MZT2B: variants seen among roughly 807,000 people sequenced by gnomAD.
The protein encoded by MZT2B is mitotic-spindle organizing protein 2B.
MZT2B carries 11 observed loss-of-function variants against 12.1 expected under a neutral mutation model. The observed-to-expected ratio is 0.91, with a 90% CI of 0.57 to 1.50. The LOEUF (loss-of-function observed/expected upper bound fraction) is 1.50, where lower values mean the gene tolerates loss of function less well. Among genes scored for constraint, MZT2B ranks in the 40% most tolerant of loss-of-function variants. The pLI is 0.00. For synonymous variants in MZT2B, 85 were observed against 109.5 expected, an observed-to-expected ratio of 0.78 and a Z score of 1.40; for missense variants, 209 against 227.7, an observed-to-expected ratio of 0.92 and a Z score of 0.53.
chr2:130,191,729 A>G (rs558924528), downstream of MZT2B: 170 of 1,531,742 alleles, frequency 1.1e-4, 1 homozygote, highest in South Asian at 1.8e-3. Context: ...GCTAAGCTGC[A>G]TGACACTCAG....
downstream of MZT2B, among the ~76,000 whole-genome samples, chr2:130,194,809 C>G: frequency 6.6e-6 from 1 of 152,182 alleles, no homozygotes; most frequent in South Asian, 2.1e-4. Flanking sequence ...TCTCAAGTAG[C>G]TGGCAGTACA....
chr2:130,182,563 G>A, intron 1 of MZT2B, 64 bp from the exon 2 acceptor site: 1 of 1,568,178 alleles, frequency 6.4e-7, no homozygotes, highest in Non-Finnish European at 8.6e-7. Context: ...TCCTTGTCGG[G>A]TCTTCAGGGA....
downstream of MZT2B, among the ~76,000 whole-genome samples, chr2:130,194,720 C>T (rs890226092): frequency 2.6e-5 from 4 of 152,146 alleles, no homozygotes; most frequent in African/African-American, 9.7e-5. Flanking sequence ...CTCTGTTGCC[C>T]AGGTTAGAGT....
intron 2 of MZT2B, among the ~76,000 whole-genome samples, chr2:130,189,468 G>C (rs962232510): frequency 1.3e-5 from 2 of 152,146 alleles, no homozygotes; most frequent in Non-Finnish European, 2.9e-5. Context: ...GGAAACACTG[G>C]GGGGATGAAA....
upstream of MZT2B, chr2:130,181,863 T>TGCC: frequency 1.5e-5 from 21 of 1,438,342 alleles, no homozygotes; most frequent in Non-Finnish European, 1.8e-5. Context: ...GCCCCCCCCT[T>TGCC]CCCCCCGCCC....
chr2:130,185,837 GA>G (rs1217169002), intron 2 of MZT2B, among the ~76,000 whole-genome samples: 1 of 152,136 alleles, frequency 6.6e-6, no homozygotes, highest in African/African-American at 2.4e-5. Context: ...GGAGTGCTGG[GA>G]CCCTCAGGGT....
chr2:130,182,422 C>G lies in MZT2B; in HGVS notation c.140C>G (p.Ala47Gly). Residue 47 changes from alanine to glycine, a missense_variant, in exon 1 of 3, where the codon GCG (alanine) becomes GGG (glycine). Physicochemically the swap from Ala to Gly is moderately conservative, Grantham distance 60. Coordinates refer to ENST00000281871, the MANE Select transcript of MZT2B (RefSeq NM_025029.5). Reference protein sequence around the residue: ...EMELYELAQAAGGAIDPDVFK... With the variant: ...EMELYELAQAGGGAIDPDVFK... ...GAGCTGTACGAGCTGGCGCAGGCGG[C>G]GGGCGGCGCTATCGACCCCGACGTG... The G allele has an allele frequency of 6.4e-7, 1 of 1,563,088 alleles. No individual in the cohort carries two copies. Among genetic ancestry groups the G allele is most frequent in the Non-Finnish European group, 8.6e-7 (1 of 1,156,962 alleles).
downstream of MZT2B, chr2:130,191,646 C>A (rs115270667): frequency 9.3e-7 from 1 of 1,080,058 alleles, no homozygotes; most frequent in Non-Finnish European, 1.3e-6. Context: ...CCCAACCCCA[C>A]GCCAGCAGGG....
downstream of MZT2B, among the ~76,000 whole-genome samples, chr2:130,193,466 G>A (rs532866830): frequency 6.2e-4 from 94 of 151,062 alleles, no homozygotes; most frequent in Middle Eastern, 3.5e-3. Flanking sequence ...AAAATTAGCC[G>A]GGCATGGTGG....
chr2:130,194,072 G>A (rs1190941670), downstream of MZT2B: 1 of 1,614,216 alleles, frequency 6.2e-7, no homozygotes, highest in Non-Finnish European at 8.5e-7. Context: ...CACGAGGTTG[G>A]TCTGGAATTC....
At chr2:130,190,408 A>G (rs1314761385) in intron 2 of MZT2B, 61 bp from the exon 3 acceptor site, 1 of 1,593,590 alleles carries the variant, frequency 6.3e-7, no homozygotes, top group African/African-American at 1.3e-5. Flanking sequence ...CCACGAGTAC[A>G]GCAGGTGCTG....
downstream of MZT2B, chr2:130,191,833 A>T: frequency 6.3e-7 from 1 of 1,596,400 alleles, no homozygotes; most frequent in Non-Finnish European, 8.5e-7. Context: ...CCCTCCCCTC[A>T]GTATGCTTCG....
the MZT2B span, among the ~76,000 whole-genome samples, chr2:130,200,918 A>AGT: frequency 0.021 from 3,200 of 152,244 alleles, 30 homozygotes; most frequent in African/African-American, 0.065. Flanking sequence ...AGATCATCTT[A>AGT]GTGTGTATTC....
chr2:130,187,121 C>T (rs945241189), intron 2 of MZT2B, among the ~76,000 whole-genome samples: 2 of 148,676 alleles, frequency 1.3e-5, no homozygotes, highest in African/African-American at 2.5e-5. Context: ...GTACTGATTA[C>T]GTATTGAAAT....
chr2:130,202,025 C>T, the MZT2B span, among the ~76,000 whole-genome samples: 9 of 152,104 alleles, frequency 5.9e-5, no homozygotes, highest in Non-Finnish European at 1.3e-4. Context: ...AACACATATT[C>T]CCAGTAGACA....
chr2:130,201,599 C>A, the MZT2B span, among the ~76,000 whole-genome samples: 1,955 of 152,238 alleles, frequency 0.013, 34 homozygotes, highest in African/African-American at 0.037. Context: ...GGGGGGGACA[C>A]CATTCAGTCC....
intron 2 of MZT2B, chr2:130,184,471 C>G (rs769503052): frequency 1.0e-6 from 1 of 985,398 alleles, no homozygotes; most frequent in Non-Finnish European, 1.2e-6. Flanking sequence ...CCACCTCACT[C>G]CTGAGTTAGC....
rs367886426 is a variant in MZT2B at position 130,190,556 on chromosome 2, G to C, written c.407G>C (p.Arg136Pro). 1 of 1,613,726 alleles carries C rather than the reference G, an allele frequency of 6.2e-7. No individual in the cohort carries two copies. Among genetic ancestry groups the C allele is most frequent in the Non-Finnish European group, 8.5e-7 (1 of 1,179,980 alleles). Residue 136 changes from arginine to proline, a missense_variant, in exon 3 of 3, where the codon CGC (arginine) becomes CCC (proline). Physicochemically the swap from Arg to Pro is moderately radical, Grantham distance 103 (BLOSUM62 -2). Coordinates refer to ENST00000281871, the MANE Select transcript of MZT2B (RefSeq NM_025029.5). ...GAAGGATCCAGCCAGAGGATGCCACGCCAGCCCAGCGCTACCAGGCTGCCC... is the reference window on the plus strand; with the variant it reads ...GAAGGATCCAGCCAGAGGATGCCACCCCAGCCCAGCGCTACCAGGCTGCCC... ...SREGSSQRMP[R>P]QPSATRLPKG...
At chr2:130,183,762 C>T in intron 2 of MZT2B, 8 of 1,550,648 alleles carry the variant, frequency 5.2e-6, no homozygotes, top group Non-Finnish European at 7.0e-6. Context: ...TGTCTGCTCT[C>T]TTTGTGTCTC....
Sources: gnomAD v4.1 joint callset for allele counts (sites outside exome capture counted in the v4.1 genomes callset) on GRCh38, gnomAD v4.1.1 for gene constraint, MANE v1.5 for transcripts, NCBI Gene and HGNC (gene_info 2026-07-23, HGNC 2026-07-21) for gene names.